Variants in RPS6KA2 observed in about 807,000 individuals in gnomAD.
RPS6KA2 encodes ribosomal protein S6 kinase A2.
Under a neutral mutation model 91.8 loss-of-function variants are expected in RPS6KA2, and 42 were observed. That is an observed-to-expected ratio of 0.46 (90% CI 0.36 to 0.59). The LOEUF is 0.59. RPS6KA2 is among the 20% of genes least tolerant of loss of function. The pLI is 0.00. For synonymous variants in RPS6KA2, 414 were observed against 393.6 expected, an observed-to-expected ratio of 1.05 and a Z score of -0.61; for missense variants, 798 against 978.5, an observed-to-expected ratio of 0.82 and a Z score of 2.46.
At position 166,563,392 on chromosome 6, in the gene RPS6KA2, G is replaced by T. The variant is rs897494117; in HGVS notation, c.100-24608C>A. On this transcript the variant is annotated intron_variant, in intron 1 of 20. Transcript: ENST00000265678. This position sits in a 1 kb window ranked among gnomAD's most constrained non-coding sequence, Gnocchi z 4.1. Reference sequence around the variant, plus strand: ...CTTTTCCTCCCAGTCTCCTGGGCTCGCCGCCAGCGGTGGGATCCCTCTTCC... The same window carrying T: ...CTTTTCCTCCCAGTCTCCTGGGCTCTCCGCCAGCGGTGGGATCCCTCTTCC... Among the ~76,000 whole-genome samples, 1 of 152,162 alleles carries T rather than the reference G, an allele frequency of 6.6e-6. No homozygotes were observed. The highest frequency in any genetic ancestry group is 1.5e-5 in the Non-Finnish European group (1 of 68,024).
chr6:166,549,948 A>G (rs954904770), intron 1 of RPS6KA2, among the ~76,000 whole-genome samples: 1 of 152,230 alleles, frequency 6.6e-6, no homozygotes, highest in African/African-American at 2.4e-5. Flanking sequence ...GTGACTCTAT[A>G]ATCATTTAAA....
chr6:166,846,135 T>C (rs891361855), intron 2 of RPS6KA2, among the ~76,000 whole-genome samples: 1 of 151,934 alleles, frequency 6.6e-6, no homozygotes. Context: ...CCTCAAAATA[T>C]ACAACCCTCC....
At chr6:166,480,143 T>A (rs528194712) in intron 10 of RPS6KA2, among the ~76,000 whole-genome samples, 1 of 152,010 alleles carries the variant, frequency 6.6e-6, no homozygotes, top group Non-Finnish European at 1.5e-5. Context: ...CAGGTTGACT[T>A]ATGAAAAGTG....
At chr6:166,451,053 T>C (rs1562502316) in intron 13 of RPS6KA2, 50 bp downstream of exon 13, 4 of 1,608,676 alleles carry the variant, frequency 2.5e-6, no homozygotes, top group Non-Finnish European at 2.6e-6. Context: ...GAGTCACCCA[T>C]CATCCAAGTG....
rs377048730 is a variant in RPS6KA2, at chr6:166,694,601, G to A, written c.124-155817C>T. On this transcript the variant is annotated intron_variant, in intron 2 of 21. Coordinates refer to the RPS6KA2 transcript ENST00000503859. ...GGCAGGGGCACTGCATTCCAAAGTC[G>A]CAATTGCAGGATCCAGGAAGCTGAT... Among the ~76,000 whole-genome samples the A allele has an allele frequency of 8.5e-5, 13 of 152,302 alleles. No individual in the cohort carries two copies. In the South Asian group the frequency reaches 1.2e-3, roughly 15 times the overall value.
chr6:166,556,473 A>ACTAAC (rs1292135300), intron 1 of RPS6KA2, among the ~76,000 whole-genome samples: 2 of 152,200 alleles, frequency 1.3e-5, no homozygotes, highest in Non-Finnish European at 2.9e-5. Flanking sequence ...TTGTAAGCAC[A>ACTAAC]CTAACCCTTC....
rs1583235704 is a variant in RPS6KA2 at position 166,521,780 on chromosome 6, T to C, written c.298+9452A>G. On this transcript the variant is annotated intron_variant, in intron 3 of 20. Coordinates refer to ENST00000265678, the MANE Select transcript of RPS6KA2 (RefSeq NM_021135.6). ...GGAGGCTATGGAGATGGGATGAATG[T>C]GGGAAAGATATGAATTTTAGGGACT... 2.0e-5 allele frequency among the ~76,000 whole-genome samples: 3 copies of C among 152,136 alleles called. No individual in the cohort carries two copies. The East Asian group carries it at 5.8e-4, about 29-fold the overall frequency.
chr6:166,716,261 T>C (rs1241928691), intron 2 of RPS6KA2, among the ~76,000 whole-genome samples: 1 of 152,116 alleles, frequency 6.6e-6, no homozygotes, highest in African/African-American at 2.4e-5. Context: ...AAACCGCTTC[T>C]AATATTGAAC....
At chr6:166,763,421 T>G (rs1778224419) in intron 2 of RPS6KA2, among the ~76,000 whole-genome samples, 1 of 152,236 alleles carries the variant, frequency 6.6e-6, no homozygotes, top group Non-Finnish European at 1.5e-5. Flanking sequence ...TGTCACCTGG[T>G]ACAACTTAAT....
chr6:166,814,168 A>G (rs1049937876), intron 2 of RPS6KA2, among the ~76,000 whole-genome samples: 1 of 152,216 alleles, frequency 6.6e-6, no homozygotes, highest in Non-Finnish European at 1.5e-5. Context: ...CACATGGATG[A>G]TAGTATGTTT....
rs145653285 is a variant in RPS6KA2, at chr6:166,488,888, C to A, written c.852G>T (p.Gly284=). 1.0e-4 allele frequency: 165 copies of A among 1,613,648 alleles called. 1 individual carries two copies. Among genetic ancestry groups the A allele is most frequent in the Admixed American group, 5.0e-5 (3 of 59,980 alleles). The part of the protein sequence containing the change: ...AKLGMPQFLS[G]EAQSLLRALF... ...GAGCTCGCAGCAAACTCTGTGCCTCCCCACTGAGGAACTGCGGCATCCCCA... is the reference window on the plus strand; with the variant it reads ...GAGCTCGCAGCAAACTCTGTGCCTCACCACTGAGGAACTGCGGCATCCCCA... The change falls in exon 10 of 21, where the codon GGG becomes GGT. Residue 284 remains glycine, a synonymous_variant. Transcript: ENST00000265678.
chr6:166,669,572 C>G (rs1035414104), intron 2 of RPS6KA2, among the ~76,000 whole-genome samples: 1 of 152,172 alleles, frequency 6.6e-6, no homozygotes, highest in Non-Finnish European at 1.5e-5. Context: ...GGCCCAGCAC[C>G]GTTGGCTGCA....
intron 1 of RPS6KA2, among the ~76,000 whole-genome samples, chr6:166,549,894 G>A (rs961051446): frequency 3.3e-5 from 5 of 152,186 alleles, no homozygotes; most frequent in African/African-American, 1.2e-4. Context: ...GGTGGAGCCC[G>A]GCTGAAGCAC....
intron 2 of RPS6KA2, among the ~76,000 whole-genome samples, chr6:166,815,345 G>A (rs542993523): frequency 7.2e-5 from 11 of 152,262 alleles, no homozygotes; most frequent in African/African-American, 2.6e-4. Flanking sequence ...ATCCCTGTGC[G>A]GATGCTGCCT....
intron 12 of RPS6KA2, among the ~76,000 whole-genome samples, chr6:166,457,863 C>T (rs543546457): frequency 3.9e-5 from 6 of 152,294 alleles, no homozygotes; most frequent in South Asian, 4.1e-4. Flanking sequence ...TTGTGGTTGA[C>T]CATATATTTG....
chr6:166,465,100 G>A (rs1430106747), intron 11 of RPS6KA2, among the ~76,000 whole-genome samples: 1 of 152,188 alleles, frequency 6.6e-6, no homozygotes, highest in Non-Finnish European at 1.5e-5. Context: ...TGGATCCTGA[G>A]GCAAGCCATT....
chr6:166,661,682 G>C (rs1383683671), intron 2 of RPS6KA2, among the ~76,000 whole-genome samples: 1 of 151,910 alleles, frequency 6.6e-6, no homozygotes, highest in African/African-American at 2.4e-5. Context: ...CATATTAATA[G>C]TTTTCAATAT....
chr6:166,844,463 T>C (rs574295554), intron 2 of RPS6KA2, among the ~76,000 whole-genome samples: 1 of 152,264 alleles, frequency 6.6e-6, no homozygotes, highest in African/African-American at 2.4e-5. Context: ...CCTAGACACA[T>C]AGTCATCAAG....
At chr6:166,545,979 T>C (rs1399406682) in intron 1 of RPS6KA2, among the ~76,000 whole-genome samples, 1 of 152,156 alleles carries the variant, frequency 6.6e-6, no homozygotes, top group Non-Finnish European at 1.5e-5. Flanking sequence ...GGTGTGCTCA[T>C]TCTGATAAAT....
Sources: allele counts gnomAD v4.1 joint callset (sites outside exome capture counted in the v4.1 genomes callset), GRCh38; gene constraint gnomAD v4.1.1; non-coding constraint Gnocchi (gnomAD v3.1); transcripts MANE v1.5; gene names NCBI Gene and HGNC (gene_info 2026-07-23, HGNC 2026-07-21).